The following ASCC3 variants were observed in gnomAD, a reference collection of about 807,000 sequenced individuals.
The protein encoded by ASCC3 is activating signal cointegrator 1 complex subunit 3.
A neutral mutation model predicts 256.3 loss-of-function variants in ASCC3; 158 were observed. The observed-to-expected ratio is 0.62, with a 90% CI of 0.54 to 0.70. The LOEUF is 0.70. ASCC3 is among the 30% of genes least tolerant of loss of function. ASCC3 has a pLI of 0.00. For missense variants in ASCC3, 2,259 were observed against 2,626.0 expected (o/e 0.86, Z 3.05); for synonymous variants, 948 against 883.4 (o/e 1.07, Z -1.30).
At chr6:100,715,262 A>C in intron 13 of ASCC3, 200 bp downstream of exon 13, 1 of 543,668 alleles carries the variant, frequency 1.8e-6, no homozygotes. Flanking sequence ...ACCTATCAAT[A>C]CTGGGATGAT....
chr6:100,716,034 G>A (rs1375424013), intron 12 of ASCC3, among the ~76,000 whole-genome samples: 1 of 151,630 alleles, frequency 6.6e-6, no homozygotes, highest in Non-Finnish European at 1.5e-5. Flanking sequence ...ATTGAGAGAG[G>A]TTGCTATTCA....
At chr6:100,733,289 T>C (rs897655320) in intron 10 of ASCC3, among the ~76,000 whole-genome samples, 1 of 152,182 alleles carries the variant, frequency 6.6e-6, no homozygotes, top group Non-Finnish European at 1.5e-5. Flanking sequence ...GTGACCATCT[T>C]GTTCAGTGAA....
chr6:100,763,209 A>C (rs1781493628), intron 10 of ASCC3, among the ~76,000 whole-genome samples: 1 of 152,208 alleles, frequency 6.6e-6, no homozygotes, highest in Non-Finnish European at 1.5e-5. Context: ...AGAATCTGTG[A>C]GAAGGGTAGA....
At chr6:100,744,266 A>G (rs1207680331) in intron 10 of ASCC3, among the ~76,000 whole-genome samples, 2 of 152,170 alleles carry the variant, frequency 1.3e-5, no homozygotes, top group African/African-American at 2.4e-5. Flanking sequence ...TTTATACCAA[A>G]TAGAGCACTG....
intron 14 of ASCC3, among the ~76,000 whole-genome samples, chr6:100,669,241 T>C (rs184883641): frequency 6.7e-6 from 1 of 149,570 alleles, no homozygotes; most frequent in Non-Finnish European, 1.5e-5. Flanking sequence ...AATATATTTT[T>C]CTTTTCTTTC....
intron 24 of ASCC3, among the ~76,000 whole-genome samples, chr6:100,639,047 A>G (rs1007687442): frequency 1.3e-5 from 2 of 152,192 alleles, no homozygotes; most frequent in African/African-American, 4.8e-5. Flanking sequence ...GGAGTGCCCT[A>G]TAAGCCAACT....
intron 13 of ASCC3, among the ~76,000 whole-genome samples, chr6:100,698,096 G>A (rs571802358): frequency 6.6e-6 from 1 of 152,188 alleles, no homozygotes; most frequent in East Asian, 1.9e-4. Flanking sequence ...TATTTGCAAG[G>A]AGGAAACTGA....
chr6:100,572,108 G>T (rs1358184013), intron 36 of ASCC3, among the ~76,000 whole-genome samples: 1 of 152,048 alleles, frequency 6.6e-6, no homozygotes, highest in Admixed American at 6.6e-5. Flanking sequence ...TTGAATATTT[G>T]TATCCCCCCC....
intron 4 of ASCC3, among the ~76,000 whole-genome samples, chr6:100,834,700 G>A (rs1255679218): frequency 6.6e-6 from 1 of 151,906 alleles, no homozygotes; most frequent in Non-Finnish European, 1.5e-5. Context: ...CAACTTTATA[G>A]CAAAAAGCTA....
intron 10 of ASCC3, among the ~76,000 whole-genome samples, chr6:100,741,359 T>A (rs1333252602): frequency 6.6e-6 from 1 of 152,160 alleles, no homozygotes; most frequent in African/African-American, 2.4e-5. Flanking sequence ...ATCATGTGTC[T>A]TGGGATTGAT....
chr6:100,672,777 A>G (rs770689635), intron 14 of ASCC3, among the ~76,000 whole-genome samples: 3 of 152,046 alleles, frequency 2.0e-5, no homozygotes, highest in African/African-American at 4.8e-5. Flanking sequence ...TTTATTTAAA[A>G]TGTACCTAGA....
At chr6:100,857,694 C>T (rs1773017383) in intron 3 of ASCC3, 2 of 151,976 alleles carry the variant, frequency 1.3e-5, no homozygotes, top group East Asian at 1.9e-4. Flanking sequence ...TTCTGTCATA[C>T]TAGTCCATTT....
intron 34 of ASCC3, among the ~76,000 whole-genome samples, chr6:100,599,115 A>G (rs1238433156): frequency 6.6e-6 from 1 of 152,226 alleles, no homozygotes; most frequent in Non-Finnish European, 1.5e-5. Context: ...AGAAGGCTGG[A>G]GAAATAAAAT....
intron 13 of ASCC3, among the ~76,000 whole-genome samples, chr6:100,708,632 G>C (rs796509838): frequency 6.6e-6 from 1 of 152,048 alleles, no homozygotes; most frequent in Non-Finnish European, 1.5e-5. Flanking sequence ...GTAGAGACCA[G>C]GGATGCTGCT....
chr6:100,794,610 T>A (rs1769513846), intron 8 of ASCC3, among the ~76,000 whole-genome samples: 1 of 152,076 alleles, frequency 6.6e-6, no homozygotes, highest in Non-Finnish European at 1.5e-5. Flanking sequence ...AATATCCTAT[T>A]CTTTATTTTC....
Position 100,589,664 on chromosome 6 carries a change from G to A in ASCC3, c.5520C>T (p.Cys1840=). The part of the protein sequence containing the change: ...KMFKDRLKPE[C]STEELLSILS... ...GAATTGAAAGCAGTTCTTCAGTACT[G>A]CATTCAGGCTTCAAGCGGTCCTTGA... is the stretch of plus-strand genomic sequence containing the variant. Residue 1840 remains cysteine (C), a synonymous_variant, in exon 36 of 42, where the codon TGC becomes TGT. Coordinates refer to ENST00000369162, the MANE Select transcript of ASCC3 (RefSeq NM_006828.4). 2 of 1,613,656 alleles carry A rather than the reference G, an allele frequency of 1.2e-6. No homozygotes were observed. The highest frequency in any genetic ancestry group is 1.7e-6 in the Non-Finnish European group (2 of 1,179,782).
chr6:100,549,334 G>A (rs925244254), intron 36 of ASCC3, among the ~76,000 whole-genome samples: 1 of 151,926 alleles, frequency 6.6e-6, no homozygotes, highest in Admixed American at 6.6e-5. Flanking sequence ...ATAAAACAAT[G>A]TTATGGCTAT....
chr6:100,604,169 A>G (rs1024414223), intron 33 of ASCC3, among the ~76,000 whole-genome samples: 4 of 152,078 alleles, frequency 2.6e-5, no homozygotes, highest in African/African-American at 7.2e-5. Flanking sequence ...TTTTTAAAAG[A>G]AATTTTACTA....
Position 100,798,769 on chromosome 6 carries a change from C to T in ASCC3, c.1339G>A (p.Glu447Lys), listed in dbSNP as rs144432672. 5.8e-5 allele frequency: 94 copies of T among 1,613,092 alleles called. No homozygotes were observed. Among genetic ancestry groups the T allele is most frequent in the Admixed American group, 5.2e-4 (31 of 59,978 alleles). ...LYEEVRIPYS[E>K]PMPLSFEEKP... The stretch of plus-strand genomic sequence containing the variant: ...TCCTCAAAGCTGAGTGGCATTGGTT[C>T]GCTGTAGGGAATCCTTACTTCTTCA... The change falls in exon 8 of 42, where the codon GAA becomes AAA. Residue 447 changes from glutamate (E) to lysine (K), a missense_variant. By Grantham distance (56) the Glu-to-Lys change is moderately conservative (BLOSUM62 1). Coordinates refer to ENST00000369162, the MANE Select transcript of ASCC3 (RefSeq NM_006828.4).
Sources: allele counts gnomAD v4.1 joint callset (sites outside exome capture counted in the v4.1 genomes callset), GRCh38; gene constraint gnomAD v4.1.1; transcripts MANE v1.5; gene names NCBI Gene and HGNC (gene_info 2026-07-23, HGNC 2026-07-21).